Variants in MSRA observed in about 807,000 individuals in gnomAD.
MSRA encodes mitochondrial peptide methionine sulfoxide reductase.
MSRA carries 54 observed loss-of-function variants against 31.3 expected under a neutral mutation model. The ratio of observed to expected loss-of-function variants is 1.73; its 90% CI spans 1.39 to 2.17. MSRA has a LOEUF of 2.17. Ranked by LOEUF, MSRA falls within the 30% of genes most tolerant of loss-of-function variation. The pLI is 0.00. For missense variants in MSRA, 507 were observed against 300.9 expected, an observed-to-expected ratio of 1.69 and a Z score of -5.07; for synonymous variants, 169 against 116.5, an observed-to-expected ratio of 1.45 and a Z score of -2.90.
intron 3 of MSRA, among the ~76,000 whole-genome samples, chr8:10,254,489 A>G (rs754811846): frequency 6.6e-5 from 10 of 152,168 alleles, no homozygotes; most frequent in Non-Finnish European, 1.5e-4. Context: ...TGAAAACATA[A>G]TGTTCTCAAT....
chr8:10,327,797 G>A (rs189820800), intron 5 of MSRA, among the ~76,000 whole-genome samples: 167 of 152,234 alleles, frequency 1.1e-3, no homozygotes, highest in African/African-American at 3.9e-3. Flanking sequence ...GTCAGGCGTG[G>A]TGGTGGGCGC....
chr8:10,239,887 A>C (rs979404357), intron 2 of MSRA, among the ~76,000 whole-genome samples: 1 of 130,964 alleles, frequency 7.6e-6, no homozygotes, highest in Non-Finnish European at 1.7e-5. Flanking sequence ...AGTGTCCTGG[A>C]GTCCGGCACC....
At chr8:10,106,006 T>C (rs1279336177) in intron 1 of MSRA, among the ~76,000 whole-genome samples, 1 of 152,252 alleles carries the variant, frequency 6.6e-6, no homozygotes, top group Non-Finnish European at 1.5e-5. Context: ...ACATCTGTTT[T>C]AAAATTGGAA....
intron 1 of MSRA, among the ~76,000 whole-genome samples, chr8:10,161,008 T>C (rs867158994): frequency 2.0e-5 from 3 of 151,932 alleles, no homozygotes; most frequent in Admixed American, 6.5e-5. Flanking sequence ...AAAATGTAAA[T>C]ATCAAATGAA....
intron 4 of MSRA, among the ~76,000 whole-genome samples, chr8:10,315,527 A>G (rs1260290624): frequency 6.6e-6 from 1 of 152,220 alleles, no homozygotes; most frequent in Non-Finnish European, 1.5e-5. Flanking sequence ...TTGTACATTT[A>G]TGTCTTATGT....
chr8:10,162,443 C>G (rs1018614695), intron 1 of MSRA, among the ~76,000 whole-genome samples: 1 of 152,246 alleles, frequency 6.6e-6, no homozygotes, highest in Non-Finnish European at 1.5e-5. Context: ...CATTGAGTGC[C>G]AACTGTGCTT....
intron 2 of MSRA, among the ~76,000 whole-genome samples, chr8:10,229,420 G>C (rs1196481733): frequency 6.6e-6 from 1 of 152,146 alleles, no homozygotes; most frequent in East Asian, 1.9e-4. Flanking sequence ...GCTGCTATGA[G>C]GCTGCAGTAT....
chr8:10,104,987 C>T (rs753032106), intron 1 of MSRA, among the ~76,000 whole-genome samples: 1 of 152,156 alleles, frequency 6.6e-6, no homozygotes, highest in Non-Finnish European at 1.5e-5. Context: ...ATCTCATGGG[C>T]AAGGAATATT....
intron 5 of MSRA, among the ~76,000 whole-genome samples, chr8:10,353,268 C>G (rs1362002330): frequency 6.6e-6 from 1 of 152,230 alleles, no homozygotes; most frequent in Admixed American, 6.5e-5. Context: ...GTGCTTCTTG[C>G]AGTCTTGCCA....
intron 5 of MSRA, among the ~76,000 whole-genome samples, chr8:10,343,546 G>A (rs776493824): frequency 2.6e-5 from 4 of 152,188 alleles, no homozygotes; most frequent in South Asian, 2.1e-4. Flanking sequence ...TGCAAACTGC[G>A]TTCCCCAACC....
intron 1 of MSRA, among the ~76,000 whole-genome samples, chr8:10,180,120 C>A (rs1205460263): frequency 6.6e-6 from 1 of 152,176 alleles, no homozygotes; most frequent in African/African-American, 2.4e-5. Flanking sequence ...ATTGCAAGTC[C>A]CCAGGTTGTC....
chr8:10,272,638 T>C (rs184721535), intron 3 of MSRA, among the ~76,000 whole-genome samples: 2 of 152,216 alleles, frequency 1.3e-5, no homozygotes, highest in African/African-American at 4.8e-5. Flanking sequence ...CACAGTCAAG[T>C]TGACACATAA....
chr8:10,113,550 G>C (rs1043843348), intron 1 of MSRA, among the ~76,000 whole-genome samples: 38 of 151,702 alleles, frequency 2.5e-4, no homozygotes, highest in African/African-American at 8.9e-4. Context: ...TGCTGTTGTT[G>C]ACAGTGAGAA....
intron 2 of MSRA, among the ~76,000 whole-genome samples, chr8:10,224,286 A>G (rs1202324371): frequency 6.6e-6 from 1 of 152,180 alleles, no homozygotes; most frequent in East Asian, 1.9e-4. Context: ...AAATGATAGG[A>G]TCATCTTTGC....
intron 3 of MSRA, among the ~76,000 whole-genome samples, chr8:10,251,864 G>T (rs11780964): frequency 0.21 from 31,556 of 150,168 alleles, 3,466 homozygotes; most frequent in East Asian, 0.36. Flanking sequence ...GACATGGTGG[G>T]GGGGGGGGGA....
chr8:10,200,824 C>T (rs944179758), intron 1 of MSRA, among the ~76,000 whole-genome samples: 2 of 152,300 alleles, frequency 1.3e-5, no homozygotes, highest in East Asian at 1.9e-4. Context: ...TGACTAGAGG[C>T]GTGACTCCAT....
intron 3 of MSRA, among the ~76,000 whole-genome samples, chr8:10,281,455 T>A (rs1178135424): frequency 6.6e-6 from 1 of 152,222 alleles, no homozygotes; most frequent in Non-Finnish European, 1.5e-5. Flanking sequence ...ATAAACCCAC[T>A]GGGATGGCAC....
At chr8:10,088,562 C>T (rs550478080) in intron 1 of MSRA, among the ~76,000 whole-genome samples, 34 of 152,094 alleles carry the variant, frequency 2.2e-4, no homozygotes, top group Admixed American at 6.5e-5. Flanking sequence ...TGGCGAAACC[C>T]CATCTCTACT....
chr8:10,203,390 G>A (rs1457460514), intron 1 of MSRA, among the ~76,000 whole-genome samples: 1 of 152,188 alleles, frequency 6.6e-6, no homozygotes, highest in Admixed American at 6.5e-5. Context: ...ACACACGCAT[G>A]TACACATAAA....
Sources: gnomAD v4.1 joint callset for allele counts (sites outside exome capture counted in the v4.1 genomes callset) on GRCh38, gnomAD v4.1.1 for gene constraint, MANE v1.5 for transcripts, NCBI Gene and HGNC (gene_info 2026-07-23, HGNC 2026-07-21) for gene names.